The following PCNX2 variants were observed in gnomAD, a reference collection of about 807,000 sequenced individuals.
PCNX2 encodes the protein pecanex 2, also known as pecanex-like protein 2.
Under a neutral mutation model 223.8 loss-of-function variants are expected in PCNX2, and 168 were observed. The observed-to-expected ratio is 0.75, with a 90% CI of 0.66 to 0.85. The LOEUF is 0.85. PCNX2 is among the 40% of genes least tolerant of loss of function. PCNX2 has a pLI of 0.00. For missense variants in PCNX2, 2,507 were observed against 2,675.5 expected (o/e 0.94, Z 1.39); for synonymous variants, 1,006 against 1,052.6 (o/e 0.96, Z 0.86).
intron 25 of PCNX2, among the ~76,000 whole-genome samples, chr1:233,049,184 A>G (rs868159150): frequency 6.6e-6 from 1 of 152,276 alleles, no homozygotes; most frequent in South Asian, 2.1e-4. Context: ...AACACAACAA[A>G]AAAAGAAAAT....
At chr1:233,141,773 A>ATGTG (rs34145635) in intron 19 of PCNX2, among the ~76,000 whole-genome samples, 13,337 of 146,214 alleles carry the variant, frequency 0.091, 614 homozygotes, top group African/African-American at 0.11. Context: ...GTATATGTAT[A>ATGTG]TGTGTGTGTG....
chr1:233,128,514 C>A (rs113299683), intron 21 of PCNX2, among the ~76,000 whole-genome samples: 5,538 of 151,990 alleles, frequency 0.036, 119 homozygotes, highest in African/African-American at 0.072. Context: ...CTTGTATTTT[C>A]AGTAGAGATG....
intron 13 of PCNX2, among the ~76,000 whole-genome samples, chr1:233,206,636 G>A (rs1459640444): frequency 6.6e-6 from 1 of 152,142 alleles, no homozygotes; most frequent in Non-Finnish European, 1.5e-5. Flanking sequence ...TCAAATTATG[G>A]ATCTGTTCTT....
intron 23 of PCNX2, among the ~76,000 whole-genome samples, chr1:233,081,091 G>C (rs1304068298): frequency 6.6e-6 from 1 of 152,180 alleles, no homozygotes; most frequent in Non-Finnish European, 1.5e-5. Flanking sequence ...GCTCATGCCT[G>C]TAATTCCAGC....
intron 15 of PCNX2, among the ~76,000 whole-genome samples, chr1:233,192,353 C>T (rs1466512170): frequency 6.6e-6 from 1 of 152,192 alleles, no homozygotes; most frequent in African/African-American, 2.4e-5. Flanking sequence ...CGGATCTTCA[C>T]ATTGTTTAAG....
intron 21 of PCNX2, among the ~76,000 whole-genome samples, chr1:233,116,662 A>G (rs533965768): frequency 6.6e-6 from 1 of 152,308 alleles, no homozygotes; most frequent in South Asian, 2.1e-4. Flanking sequence ...AGTGCACAGA[A>G]GGAAATTTAT....
intron 19 of PCNX2, among the ~76,000 whole-genome samples, chr1:233,153,989 A>C (rs532894687): frequency 6.6e-6 from 1 of 152,322 alleles, no homozygotes; most frequent in African/African-American, 2.4e-5. Flanking sequence ...AAGAATTGCA[A>C]ATTTGGGACC....
rs1242705438 is a variant in PCNX2, at chr1:232,986,261, G to A, written c.6071C>T (p.Ser2024Phe). The A allele has an allele frequency of 7.0e-6, 11 of 1,561,440 alleles. No homozygotes were observed. Among genetic ancestry groups the A allele is most frequent in the Admixed American group, 1.9e-5 (1 of 52,146 alleles). The part of the protein sequence containing the change: ...EALIRSSLGS[S>F]TSSTLSFLFG... ...GAGGAAGCTCAGGGTGGAGCTGGTG[G>A]AGGAGCCCAGGCTGGACCTGATGAG... Residue 2024 changes from serine to phenylalanine, a missense_variant, in exon 33 of 34, where the codon TCC becomes TTC. Around this residue, in one of 3 missense-constraint regions of PCNX2, gnomAD observed 1,372 missense variants for 1,509.4 expected, o/e 0.91. Transcript: ENST00000258229.
At chr1:233,067,460 A>T (rs1422464554) in intron 23 of PCNX2, among the ~76,000 whole-genome samples, 1 of 145,632 alleles carries the variant, frequency 6.9e-6, no homozygotes, top group South Asian at 2.3e-4. Flanking sequence ...ATAATTTTAC[A>T]ACTGAAAAAT....
At chr1:233,003,719 G>A (rs1313546717) in intron 28 of PCNX2, among the ~76,000 whole-genome samples, 4 of 152,020 alleles carry the variant, frequency 2.6e-5, no homozygotes, top group African/African-American at 4.8e-5. Flanking sequence ...TTACTGCAGC[G>A]CTATTCACAA....
intron 15 of PCNX2, among the ~76,000 whole-genome samples, chr1:233,182,802 C>G (rs372681740): frequency 2.2e-4 from 33 of 152,232 alleles, no homozygotes; most frequent in East Asian, 1.9e-3. Context: ...GTATAAGTTC[C>G]ACCTGCTCAG....
At chr1:233,019,911 G>A (rs542878462) in intron 26 of PCNX2, among the ~76,000 whole-genome samples, 6 of 152,138 alleles carry the variant, frequency 3.9e-5, no homozygotes, top group African/African-American at 9.7e-5. Context: ...CCATGTCCAC[G>A]AGCACCGCTT....
intron 17 of PCNX2, among the ~76,000 whole-genome samples, chr1:233,161,746 A>G (rs1678496848): frequency 6.6e-6 from 1 of 152,150 alleles, no homozygotes; most frequent in African/African-American, 2.4e-5. Context: ...GAGCTCCCCA[A>G]AGGGACTTAG....
chr1:233,267,773 G>A (rs1230152652), intron 1 of PCNX2, among the ~76,000 whole-genome samples: 2 of 152,116 alleles, frequency 1.3e-5, no homozygotes, highest in African/African-American at 4.8e-5. Flanking sequence ...ATCCATTGGT[G>A]GACATTTGGG....
At chr1:233,087,334 G>A (rs1349020200) in intron 23 of PCNX2, among the ~76,000 whole-genome samples, 11 of 152,108 alleles carry the variant, frequency 7.2e-5, no homozygotes, top group South Asian at 4.1e-4. Context: ...GCCTGGTGGC[G>A]GCAGTTCATG....
At chr1:233,310,537 G>C in the PCNX2 span, among the ~76,000 whole-genome samples, 1 of 152,136 alleles carries the variant, frequency 6.6e-6, no homozygotes, top group Non-Finnish European at 1.5e-5. Flanking sequence ...CTGAGTTCTG[G>C]AACAGTAGTA....
intron 26 of PCNX2, among the ~76,000 whole-genome samples, chr1:233,024,084 C>T (rs536841283): frequency 6.6e-6 from 1 of 152,226 alleles, no homozygotes; most frequent in East Asian, 1.9e-4. Context: ...GCTAATTTTT[C>T]AATTTTTTTG....
chr1:233,288,872 A>C lies in PCNX2; in HGVS notation c.153+6454T>G, dbSNP rs141524125. ...ATTTAGTCATTTTTGTTTACAATTG[A>C]AACTCTGGGAATTCAAAATTAACAT... On this transcript the variant is annotated intron_variant, in intron 1 of 33. Transcript: ENST00000258229. The C allele has an allele frequency of 4.3e-4, 568 of 1,314,302 alleles. 2 individuals carry two copies. In the East Asian group the frequency reaches 0.01, roughly 23 times the overall value. 81.4% of individuals were successfully genotyped at this position (1,314,302 alleles called of 1,614,324 possible).
intron 10 of PCNX2, 25 bp downstream of exon 10, chr1:233,227,201 T>C (rs886479298): frequency 6.3e-7 from 1 of 1,598,116 alleles, no homozygotes; most frequent in Admixed American, 1.7e-5. Context: ...CTTCCGACAG[T>C]GTGTGTGCAT....
Sources: gnomAD v4.1 joint callset for allele counts (sites outside exome capture counted in the v4.1 genomes callset) on GRCh38, gnomAD v4.1.1 for gene constraint, gnomAD v4.1.1 regional missense constraint, MANE v1.5 for transcripts, NCBI Gene and HGNC (gene_info 2026-07-23, HGNC 2026-07-21) for gene names.